Variants in NCKAP1L observed in about 807,000 individuals in gnomAD.
The protein encoded by NCKAP1L is NCK associated protein 1 like, also known as nck-associated protein 1-like.
Under a neutral mutation model 139.2 loss-of-function variants are expected in NCKAP1L, and 53 were observed. The observed-to-expected ratio is 0.38, with a 90% CI of 0.31 to 0.48. The LOEUF (loss-of-function observed/expected upper bound fraction) is 0.48. Ranked by LOEUF, NCKAP1L falls within the 20% of genes least tolerant of loss-of-function variation. NCKAP1L has a pLI of 0.98. For synonymous variants in NCKAP1L, 468 were observed against 499.7 expected, an observed-to-expected ratio of 0.94 and a Z score of 0.85; for missense variants, 1,151 against 1,381.9, an observed-to-expected ratio of 0.83 and a Z score of 2.65.
intron 2 of NCKAP1L, among the ~76,000 whole-genome samples, chr12:54,500,280 C>T (rs147543093): frequency 8.5e-5 from 13 of 152,162 alleles, no homozygotes; most frequent in East Asian, 1.9e-4. Flanking sequence ...CCCGCCACCA[C>T]GCCCAGCTAA....
chr12:54,499,736 G>A (rs1956781882), intron 2 of NCKAP1L, among the ~76,000 whole-genome samples: 1 of 152,078 alleles, frequency 6.6e-6, no homozygotes. Context: ...CATTGTTTTT[G>A]TACAAGACAG....
intron 3 of NCKAP1L, among the ~76,000 whole-genome samples, chr12:54,506,790 A>ATATATATATATATAT (rs1165268195): frequency 1.1e-4 from 3 of 27,550 alleles, no homozygotes; most frequent in African/African-American, 8.3e-4. Flanking sequence ...CATATTAAAA[A>ATATATATATATATAT]AAAAAAATAT....
At chr12:54,523,249 A>G (rs1355995965) in intron 18 of NCKAP1L, 145 bp from the exon 19 acceptor site, 1 of 919,406 alleles carries the variant, frequency 1.1e-6, no homozygotes, top group African/African-American at 1.7e-5. Flanking sequence ...GCCCCCATTA[A>G]AGAAAGAGGT....
At chr12:54,536,271 C>T in intron 28 of NCKAP1L, 26 bp downstream of exon 28, 1 of 1,469,696 alleles carries the variant, frequency 6.8e-7, no homozygotes, top group East Asian at 2.3e-5. Flanking sequence ...GTTTGAGACA[C>T]CAGTGCTATT....
intron 3 of NCKAP1L, among the ~76,000 whole-genome samples, chr12:54,507,112 T>C (rs1956847683): frequency 6.6e-6 from 1 of 151,806 alleles, no homozygotes; most frequent in Non-Finnish European, 1.5e-5. Context: ...CTCTCTCTCT[T>C]TTCCTTTTAT....
Position 54,531,554 on chromosome 12 carries a change from T to G in NCKAP1L, c.2668T>G (p.Leu890Val). ...CAGATCCAACTTTAGCAAGCCGGAC[T>G]TGATGGCTTCCCTGCTGCCCCAGCT... Reference protein sequence around the residue: ...QIRSNFSKPDLMASLLPQLTG... With the variant: ...QIRSNFSKPDVMASLLPQLTG... The change falls in exon 24 of 31, where the codon TTG becomes GTG. Residue 890 changes from leucine (L) to valine (V), a missense_variant. Leu to Val is a conservative substitution (Grantham distance 32). Coordinates refer to ENST00000293373, the MANE Select transcript of NCKAP1L (RefSeq NM_005337.5). 2 of 1,614,236 alleles carry G rather than the reference T, an allele frequency of 1.2e-6. No homozygotes were observed. Among genetic ancestry groups the G allele is most frequent in the Non-Finnish European group, 1.7e-6 (2 of 1,180,028 alleles).
In NCKAP1L at chr12:54,542,708, G is replaced by A; in HGVS notation, c.*23G>A. The A allele has an allele frequency of 6.4e-7, 1 of 1,553,304 alleles. No individual in the cohort carries two copies. The highest frequency in any genetic ancestry group is 8.9e-7 in the Non-Finnish European group (1 of 1,127,306). On this transcript the variant is annotated 3_prime_UTR_variant, in exon 31 of 31. Coordinates refer to ENST00000293373, the MANE Select transcript of NCKAP1L (RefSeq NM_005337.5). Reference sequence around the variant, plus strand: ...TGAATGCCTGCCAGTACCCACTGAAGAGCCCTTTGGACCTTCCTAAACCCT... The same window carrying A: ...TGAATGCCTGCCAGTACCCACTGAAAAGCCCTTTGGACCTTCCTAAACCCT...
chr12:54,510,296 G>A, intron 7 of NCKAP1L: 2 of 479,244 alleles, frequency 4.2e-6, no homozygotes, highest in Middle Eastern at 6.1e-4. Flanking sequence ...ATTAAGCCTA[G>A]CAGCAACTTG....
rs1367402469 is a variant in NCKAP1L, at chr12:54,532,162, T to C, written c.2782-8T>C. ...CTTGTGGACTCATTTATCTTCTCTT[T>C]CCTCCAGGTTTTCTCCTCCCACTGC... is the stretch of plus-strand genomic sequence containing the variant. On this transcript the variant is annotated splice_region_variant and splice_polypyrimidine_tract_variant and intron_variant, in intron 25 of 30. Coordinates refer to ENST00000293373, the MANE Select transcript of NCKAP1L (RefSeq NM_005337.5). 2 of 1,609,972 alleles carry C rather than the reference T, an allele frequency of 1.2e-6. No individual in the cohort carries two copies. The highest frequency in any genetic ancestry group is 2.2e-5 in the East Asian group (1 of 44,850).
chr12:54,525,763 C>CA (rs947346117), intron 20 of NCKAP1L, among the ~76,000 whole-genome samples: 14 of 152,066 alleles, frequency 9.2e-5, no homozygotes, highest in African/African-American at 3.4e-4. Context: ...AGCATTTTGC[C>CA]AAAAAACACA....
chr12:54,540,574 G>A (rs1957149602), intron 30 of NCKAP1L, among the ~76,000 whole-genome samples: 1 of 152,222 alleles, frequency 6.6e-6, no homozygotes, highest in African/African-American at 2.4e-5. Context: ...TTATGATAGA[G>A]TGGTTAGAAT....
chr12:54,508,229 TG>T (rs1175449685), intron 4 of NCKAP1L, among the ~76,000 whole-genome samples, 159 bp from the exon 5 acceptor site: 1 of 152,238 alleles, frequency 6.6e-6, no homozygotes, highest in Non-Finnish European at 1.5e-5. Context: ...CCCTGACTTT[TG>T]TTCCAATTTT....
intron 9 of NCKAP1L, chr12:54,512,458 A>G (rs1055455075): frequency 1.4e-4 from 28 of 196,580 alleles, no homozygotes; most frequent in African/African-American, 6.0e-4. Flanking sequence ...GTACCTCCCT[A>G]TGGCCTACCT....
chr12:54,517,066 G>A, intron 11 of NCKAP1L, 74 bp downstream of exon 11: 4 of 1,329,552 alleles, frequency 3.0e-6, no homozygotes, highest in Non-Finnish European at 4.3e-6. Context: ...GCACTCACGA[G>A]ATTTTGCCTT....
In NCKAP1L at chr12:54,537,069, T is replaced by C. The variant is rs1957119331; in HGVS notation, c.3183+16T>C. ...ATTTCTGGTGGTGAGTGGGTCTAGG[T>C]TATAAAGAATGGAAGATTGCAAAGG... On this transcript the variant is annotated intron_variant, in intron 29 of 30. Transcript: ENST00000293373. 4 of 1,520,132 alleles carry C rather than the reference T, an allele frequency of 2.6e-6. No individual in the cohort carries two copies. In the South Asian group the frequency reaches 3.4e-5, roughly 13 times the overall value. 94.2% of individuals were successfully genotyped at this position (1,520,132 alleles called of 1,614,324 possible).
At position 54,531,377 on chromosome 12, in the gene NCKAP1L, T is replaced by C. The variant is rs1372722851; in HGVS notation, c.2604+20T>C. On this transcript the variant is annotated intron_variant, in intron 23 of 30. Transcript: ENST00000293373. ...CTGAAGGTACTATGGAAACAATCCC[T>C]TGGGGAAAAGATCCTACCTTGAGGA... is the stretch of plus-strand genomic sequence containing the variant. 6.2e-7 allele frequency: 1 copy of C among 1,613,064 alleles called. No individual in the cohort carries two copies. The highest frequency in any genetic ancestry group is 8.5e-7 in the Non-Finnish European group (1 of 1,179,040).
rs1214845785 is a variant in NCKAP1L at position 54,499,483 on chromosome 12, C to G, written c.213+18C>G. On this transcript the variant is annotated intron_variant, in intron 2 of 30. Coordinates refer to ENST00000293373, the MANE Select transcript of NCKAP1L (RefSeq NM_005337.5). ...ACAGCACGGTGAGAACTTGGTCCTT[C>G]TCTCCTTTCTCTGAATAATTCTCTG... 18 of 1,329,590 alleles carry G rather than the reference C, an allele frequency of 1.4e-5. No individual in the cohort carries two copies. The highest frequency in any genetic ancestry group is 2.0e-5 in the Non-Finnish European group (18 of 921,156). The allele number at this position is 1,329,590 out of a possible 1,614,324, so 82.4% of individuals were successfully genotyped here. A position where few individuals can be genotyped will look rare whatever the true frequency, so the allele number is the denominator to read the frequency against.
chr12:54,518,918 T>C lies in NCKAP1L; in HGVS notation c.1425T>C (p.Asp475=). Reference sequence around the variant, plus strand: ...ATACTTCCGTTTTTCTTGCAGTTGATAATGGAGAAAAATTTGAATTCTCAG... The same window carrying C: ...ATACTTCCGTTTTTCTTGCAGTTGACAATGGAGAAAAATTTGAATTCTCAG... The part of the protein sequence containing the change: ...ILSSLNLKQV[D]NGEKFEFSGL... The change falls in exon 15 of 31, where the codon GAT becomes GAC. Residue 475 remains aspartate, a synonymous_variant. Transcript: ENST00000293373. The C allele has an allele frequency of 6.2e-7, 1 of 1,613,856 alleles. No homozygotes were observed.
intron 16 of NCKAP1L, 129 bp from the exon 17 acceptor site, chr12:54,520,565 A>G (rs1956973373): frequency 1.1e-6 from 1 of 912,610 alleles, no homozygotes; most frequent in Non-Finnish European, 1.7e-6. Context: ...GTTTTTTGAA[A>G]GAATGAATAT....
Sources: allele counts gnomAD v4.1 joint callset (sites outside exome capture counted in the v4.1 genomes callset), GRCh38; gene constraint gnomAD v4.1.1; transcripts MANE v1.5; gene names NCBI Gene and HGNC (gene_info 2026-07-23, HGNC 2026-07-21).